KIF1B: variants seen among roughly 807,000 people sequenced by gnomAD.
KIF1B encodes kinesin family member 1B, also known as kinesin-like protein KIF1B.
A neutral mutation model predicts 241.9 loss-of-function variants in KIF1B; 76 were observed. The observed-to-expected ratio is 0.31, with a 90% CI of 0.26 to 0.38. KIF1B has a LOEUF of 0.38. Ranked by LOEUF, KIF1B falls within the 10% of genes least tolerant of loss-of-function variation. The probability of loss-of-function intolerance (pLI) is 1.00; values close to 1 mark genes in which losing one functional copy is unlikely to be tolerated. For missense variants in KIF1B, 1,622 were observed against 2,271.4 expected (o/e 0.71, Z 5.81); for synonymous variants, 750 against 796.7 (o/e 0.94, Z 0.99).
intron 45 of KIF1B, among the ~76,000 whole-genome samples, chr1:10,373,849 G>A (rs1638811684): frequency 6.6e-6 from 1 of 152,126 alleles, no homozygotes; most frequent in African/African-American, 2.4e-5. Flanking sequence ...AGCCCCCATG[G>A]CTCAACCCCA....
rs3833523 is a variant in KIF1B at position 10,302,992 on chromosome 1, C to CCA, written c.2115+5749_2115+5750dup. The stretch of plus-strand genomic sequence containing the variant: ...CATAGGCGTATGTCTTAATAGACTT[C>CCA]CACATTATTGAGGGGTTTTTTTTGG... On this transcript the variant is annotated intron_variant, in intron 22 of 48. Transcript: ENST00000676179. Among the ~76,000 whole-genome samples, 40,685 of 151,768 alleles carry CCA rather than the reference C, an allele frequency of 0.27. 5,627 individuals carry two copies. Among genetic ancestry groups the CCA allele is most frequent in the Admixed American group, 0.33 (4,982 of 15,244 alleles).
intron 18 of KIF1B, 23 bp downstream of exon 18, chr1:10,295,188 T>A (rs1282974985): frequency 1.1e-5 from 15 of 1,411,212 alleles, no homozygotes; most frequent in Non-Finnish European, 1.5e-5. Context: ...CCTGTTTTGG[T>A]CACTTCGTGT....
In KIF1B at chr1:10,356,339, T is replaced by C. The variant is rs549397775; in HGVS notation, c.4055+3603T>C. Among the ~76,000 whole-genome samples the C allele has an allele frequency of 4.9e-4, 74 of 151,948 alleles. 1 individual carries two copies. In the South Asian group the frequency reaches 0.015, roughly 31 times the overall value. On this transcript the variant is annotated intron_variant, in intron 38 of 48. Coordinates refer to ENST00000676179, the MANE Select transcript of KIF1B (RefSeq NM_001365951.3). ...GAGATCGCGCCACTGCATTCCAGCC[T>C]GGGCGACAGAGCGAGACTCTGTCTC... is the stretch of plus-strand genomic sequence containing the variant.
intron 2 of KIF1B, among the ~76,000 whole-genome samples, chr1:10,252,411 T>C (rs149968569): frequency 0.019 from 2,842 of 151,718 alleles, 42 homozygotes; most frequent in Non-Finnish European, 0.028. Flanking sequence ...GTTGTTGTTG[T>C]TGTTGCTGTT....
chr1:10,310,919 A>G lies in KIF1B; in HGVS notation c.2116-9124A>G, dbSNP rs764713494. Among the ~76,000 whole-genome samples, 93 of 151,410 alleles carry G rather than the reference A, an allele frequency of 6.1e-4. 1 individual carries two copies. The highest frequency in any genetic ancestry group is 1.4e-3 in the Admixed American group (21 of 15,234). On this transcript the variant is annotated intron_variant, in intron 22 of 48. Coordinates refer to ENST00000676179, the MANE Select transcript of KIF1B (RefSeq NM_001365951.3). The stretch of plus-strand genomic sequence containing the variant: ...TGACAATGTTTTTGTTTCACTGAGG[A>G]AAAAAAGCAATCAGAAGAAACTTTG...
intron 22 of KIF1B, among the ~76,000 whole-genome samples, chr1:10,317,770 G>A (rs1353309227): frequency 6.6e-6 from 1 of 150,680 alleles, no homozygotes; most frequent in Non-Finnish European, 1.5e-5. Context: ...GGCAGAGGTT[G>A]TGGTGAGCCG....
intron 13 of KIF1B, 61 bp downstream of exon 13, chr1:10,278,189 C>T (rs1421066980): frequency 6.6e-6 from 10 of 1,517,542 alleles, no homozygotes; most frequent in South Asian, 5.7e-5. Context: ...TCTTATTCAG[C>T]GTTCTTATAT....
At chr1:10,269,387 C>T (rs1053602856) in intron 7 of KIF1B, among the ~76,000 whole-genome samples, 5 of 151,712 alleles carry the variant, frequency 3.3e-5, no homozygotes, top group South Asian at 4.2e-4. Flanking sequence ...TGGTGGCATG[C>T]GCCTGTGGTC....
intron 2 of KIF1B, among the ~76,000 whole-genome samples, chr1:10,232,790 T>C (rs986463252): frequency 9.2e-5 from 14 of 152,222 alleles, no homozygotes; most frequent in African/African-American, 1.7e-4. Flanking sequence ...TTTTTCTTTC[T>C]AGATTTTAAA....
chr1:10,263,932 C>A (rs570033603), intron 5 of KIF1B, among the ~76,000 whole-genome samples: 27 of 152,258 alleles, frequency 1.8e-4, no homozygotes, highest in African/African-American at 6.5e-4. Flanking sequence ...CAAGAACATA[C>A]CAGAAACATT....
At chr1:10,291,723 A>T (rs1412227742) in intron 16 of KIF1B, among the ~76,000 whole-genome samples, 1 of 149,660 alleles carries the variant, frequency 6.7e-6, no homozygotes, top group Non-Finnish European at 1.5e-5. Context: ...AAAAAAAAAA[A>T]GGAATAGCCT....
chr1:10,306,901 T>C (rs979499386), intron 22 of KIF1B: 3 of 1,047,462 alleles, frequency 2.9e-6, no homozygotes, highest in Non-Finnish European at 3.5e-6. Flanking sequence ...AGTGGTCTTT[T>C]CATGGGAGTG....
intron 22 of KIF1B, chr1:10,305,042 T>A (rs776329191): frequency 1.8e-6 from 2 of 1,085,360 alleles, no homozygotes; most frequent in Non-Finnish European, 2.2e-6. Flanking sequence ...AAGGAGAATT[T>A]GATAAGCAGA....
At chr1:10,342,820 CA>C (rs1220050137) in intron 33 of KIF1B, among the ~76,000 whole-genome samples, 1 of 152,092 alleles carries the variant, frequency 6.6e-6, no homozygotes, top group African/African-American at 2.4e-5. Flanking sequence ...ATAGTCATTA[CA>C]AAAAGTTTTT....
chr1:10,371,368 G>A (rs1319033411), intron 45 of KIF1B, 106 bp downstream of exon 45: 5 of 1,352,556 alleles, frequency 3.7e-6, no homozygotes, highest in Admixed American at 3.8e-5. Context: ...CTTCTCCCTA[G>A]GCAGCATTTG....
rs1279580508 is a variant in KIF1B, at chr1:10,352,649, C to T, written c.3968C>T (p.Pro1323Leu). Residue 1323 changes from proline (P) to leucine (L), a missense_variant, in exon 38 of 49, where the codon CCT becomes CTT. This residue lies in a region of KIF1B where 803 missense variants were observed against 1,112.0 expected (regional missense o/e 0.72). Transcript: ENST00000676179. ...CTTTTAGGTCGTATTCGGAATAAGCCTGAGGTGGATGAAGCTGCAGTTGAT... is the reference window on the plus strand; with the variant it reads ...CTTTTAGGTCGTATTCGGAATAAGCTTGAGGTGGATGAAGCTGCAGTTGAT... ...ELVVGRIRNK[P>L]EVDEAAVDAI... 1.2e-6 allele frequency: 2 copies of T among 1,613,752 alleles called. No homozygotes were observed. Among genetic ancestry groups the T allele is most frequent in the East Asian group, 2.2e-5 (1 of 44,866 alleles).
At chr1:10,313,415 T>G (rs1319060136) in intron 22 of KIF1B, among the ~76,000 whole-genome samples, 2 of 151,310 alleles carry the variant, frequency 1.3e-5, no homozygotes, top group African/African-American at 4.9e-5. Flanking sequence ...AATTCATGTT[T>G]AACATTAAGA....
intron 4 of KIF1B, among the ~76,000 whole-genome samples, chr1:10,260,062 C>A (rs1447239249): frequency 6.6e-6 from 1 of 152,050 alleles, no homozygotes; most frequent in Non-Finnish European, 1.5e-5. Context: ...CATCATTAGT[C>A]GTTAGGTGCT....
chr1:10,308,444 CTG>C (rs1650931320), intron 22 of KIF1B: 3 of 1,041,678 alleles, frequency 2.9e-6, no homozygotes, highest in South Asian at 4.6e-5. Context: ...TGTTAATAAA[CTG>C]TGGATTTCCC....
Sources: allele counts gnomAD v4.1 joint callset (sites outside exome capture counted in the v4.1 genomes callset), GRCh38; gene constraint gnomAD v4.1.1; regional missense constraint gnomAD v4.1.1; transcripts MANE v1.5; gene names NCBI Gene and HGNC (gene_info 2026-07-23, HGNC 2026-07-21).